Variants in RARB observed in about 807,000 individuals in gnomAD.
RARB encodes HBV-activated protein.
RARB carries 17 observed loss-of-function variants against 51.9 expected under a neutral mutation model. The ratio of observed to expected loss-of-function variants is 0.33; its 90% CI spans 0.22 to 0.49. The LOEUF (loss-of-function observed/expected upper bound fraction) is 0.49, where lower values mean the gene tolerates loss of function less well. Among genes scored for constraint, RARB ranks in the 20% least tolerant of loss-of-function variants. The pLI, the probability that RARB is intolerant of heterozygous loss-of-function variation, is 0.99. For synonymous variants in RARB, 215 were observed against 195.4 expected (o/e 1.10, Z -0.84); for missense variants, 369 against 550.8 (o/e 0.67, Z 3.30).
intron 5 of RARB, among the ~76,000 whole-genome samples, chr3:25,202,285 C>A (rs1701413853): frequency 6.6e-6 from 1 of 152,044 alleles, no homozygotes; most frequent in Non-Finnish European, 1.5e-5. Context: ...GTGATATCCC[C>A]TTTACCATTT....
intron 2 of RARB, among the ~76,000 whole-genome samples, chr3:24,997,342 G>A (rs1387277117): frequency 6.6e-6 from 1 of 151,006 alleles, no homozygotes; most frequent in Non-Finnish European, 1.5e-5. Flanking sequence ...TTCAGCACAT[G>A]TGTGTCTTTA....
At chr3:25,596,171 AAACT>A (rs1277345897) in intron 7 of RARB, among the ~76,000 whole-genome samples, 2 of 152,216 alleles carry the variant, frequency 1.3e-5, no homozygotes, top group African/African-American at 4.8e-5. Context: ...ACTTTGCAAT[AAACT>A]AACACATGAT....
At chr3:25,018,409 T>G (rs1309032367) in intron 2 of RARB, among the ~76,000 whole-genome samples, 1 of 152,158 alleles carries the variant, frequency 6.6e-6, no homozygotes. Context: ...GAATCAAATA[T>G]GGCAATGGAT....
chr3:24,938,586 G>A (rs891984287), intron 2 of RARB, among the ~76,000 whole-genome samples: 1 of 152,116 alleles, frequency 6.6e-6, no homozygotes, highest in African/African-American at 2.4e-5. Flanking sequence ...CATAAAAATA[G>A]TTAAAATGGT....
chr3:24,904,075 A>G (rs564433037), intron 2 of RARB, among the ~76,000 whole-genome samples: 6 of 152,304 alleles, frequency 3.9e-5, no homozygotes, highest in Non-Finnish European at 7.4e-5. Context: ...GAAACAACAA[A>G]TGTTAATTTT....
intron 3 of RARB, among the ~76,000 whole-genome samples, chr3:25,503,384 G>C (rs1321102265): frequency 6.6e-5 from 10 of 152,188 alleles, no homozygotes; most frequent in Non-Finnish European, 1.5e-4. Context: ...TTATAAATGA[G>C]TAAGCCAGAT....
At chr3:24,884,610 G>T (rs1703235011) in intron 2 of RARB, among the ~76,000 whole-genome samples, 1 of 152,072 alleles carries the variant, frequency 6.6e-6, no homozygotes. Flanking sequence ...ATTACCAATT[G>T]CATTGTTTCT....
At chr3:25,016,261 C>G (rs750924206) in intron 2 of RARB, among the ~76,000 whole-genome samples, 6 of 152,174 alleles carry the variant, frequency 3.9e-5, no homozygotes, top group Non-Finnish European at 7.3e-5. Flanking sequence ...TATACTAACT[C>G]ATGTCCAAGG....
chr3:25,460,772 G>A (rs553241760), intron 1 of RARB, among the ~76,000 whole-genome samples: 167 of 152,290 alleles, frequency 1.1e-3, no homozygotes, highest in African/African-American at 3.9e-3. Context: ...GAGCAACAAG[G>A]TCAAGTCGTT....
rs73145390 is a variant in RARB, at chr3:25,171,246, C to T, written c.-279-2873C>T. Among the ~76,000 whole-genome samples, 865 of 151,894 alleles carry T rather than the reference C, an allele frequency of 5.7e-3. 11 individuals are homozygous for T. The highest frequency in any genetic ancestry group is 0.02 in the African/African-American group (818 of 41,416). ...TTGCCTGAGGTGGTGAAGGAAAGAACCCCAGATGAGCACAAACTCAAATCA... is the reference window on the plus strand; with the variant it reads ...TTGCCTGAGGTGGTGAAGGAAAGAATCCCAGATGAGCACAAACTCAAATCA... On this transcript the variant is annotated intron_variant, in intron 4 of 11. Transcript: ENST00000383772.
chr3:24,868,642 A>G (rs1702893353), intron 2 of RARB, among the ~76,000 whole-genome samples: 1 of 152,146 alleles, frequency 6.6e-6, no homozygotes, highest in South Asian at 2.1e-4. Flanking sequence ...TACTTGGTAT[A>G]ACAGACTTTT....
chr3:25,149,166 G>A (rs1208213076), intron 4 of RARB, among the ~76,000 whole-genome samples: 1 of 152,114 alleles, frequency 6.6e-6, no homozygotes, highest in East Asian at 1.9e-4. Context: ...TGATGAGATT[G>A]GGGAGGAGAG....
intron 2 of RARB, among the ~76,000 whole-genome samples, chr3:24,886,921 T>C (rs1703278966): frequency 6.6e-6 from 1 of 152,258 alleles, no homozygotes; most frequent in Admixed American, 6.5e-5. Context: ...TTGAATTGTT[T>C]CTAAATATCC....
intron 5 of RARB, among the ~76,000 whole-genome samples, chr3:25,276,068 T>C (rs1703374105): frequency 6.6e-6 from 1 of 152,212 alleles, no homozygotes; most frequent in Non-Finnish European, 1.5e-5. Flanking sequence ...TTCTGTAAAA[T>C]GAGGTTTATA....
At chr3:25,457,913 A>G (rs1397055984) in intron 1 of RARB, among the ~76,000 whole-genome samples, 3 of 152,138 alleles carry the variant, frequency 2.0e-5, no homozygotes, top group Admixed American at 2.0e-4. Context: ...TCAATGCGAG[A>G]TTGATCATAG....
At chr3:25,182,042 T>G (rs1284730619) in intron 5 of RARB, among the ~76,000 whole-genome samples, 2 of 152,230 alleles carry the variant, frequency 1.3e-5, no homozygotes, top group African/African-American at 4.8e-5. Context: ...GGTATTGCAG[T>G]CAGAGAAATG....
chr3:24,902,010 T>TAACATACATATATAACATATATGAA (rs1187817397), intron 2 of RARB, among the ~76,000 whole-genome samples: 6 of 151,176 alleles, frequency 4.0e-5, no homozygotes, highest in African/African-American at 1.5e-4. Context: ...TAAATATATA[T>TAACATACATATATAACATATATGAA]AACATACATA....
intron 5 of RARB, among the ~76,000 whole-genome samples, chr3:25,238,609 C>A (rs917384114): frequency 6.6e-6 from 1 of 152,178 alleles, no homozygotes; most frequent in Non-Finnish European, 1.5e-5. Context: ...AGCTGCACTA[C>A]TTTACATCCC....
chr3:25,159,369 A>G (rs1349550735), intron 4 of RARB, among the ~76,000 whole-genome samples: 2 of 149,176 alleles, frequency 1.3e-5, no homozygotes, highest in African/African-American at 2.5e-5. Flanking sequence ...GGGTTTCTCC[A>G]TGTTGGTCAG....
Sources: allele counts gnomAD v4.1 joint callset (sites outside exome capture counted in the v4.1 genomes callset), GRCh38; gene constraint gnomAD v4.1.1; transcripts MANE v1.5; gene names NCBI Gene and HGNC (gene_info 2026-07-23, HGNC 2026-07-21).